Variants in GPRC5B observed in about 807,000 individuals in gnomAD.
GPRC5B encodes G protein-coupled receptor class C group 5 member B.
Under a neutral mutation model 30.1 loss-of-function variants are expected in GPRC5B, and 16 were observed. That is an observed-to-expected ratio of 0.53 (90% CI 0.36 to 0.81). The LOEUF is 0.81. Ranked by LOEUF, GPRC5B falls within the 30% of genes least tolerant of loss-of-function variation. GPRC5B has a pLI of 0.01. For synonymous variants in GPRC5B, 241 were observed against 239.5 expected, an observed-to-expected ratio of 1.01 and a Z score of -0.06; for missense variants, 428 against 544.7, an observed-to-expected ratio of 0.79 and a Z score of 2.13.
chr16:19,872,895 A>C lies in GPRC5B; in HGVS notation c.-1-49T>G, dbSNP rs1189438178. The C allele has an allele frequency of 1.5e-6, 2 of 1,345,708 alleles. No homozygotes were observed. Among genetic ancestry groups the C allele is most frequent in the Admixed American group, 3.6e-5 (2 of 56,016 alleles). 83.4% of individuals were successfully genotyped at this position (1,345,708 alleles called of 1,614,324 possible). A position where few individuals can be genotyped will look rare whatever the true frequency, so the allele number is the denominator to read the frequency against. On this transcript the variant is annotated intron_variant, in intron 1 of 3. Coordinates refer to ENST00000300571, the MANE Select transcript of GPRC5B (RefSeq NM_016235.3). This position sits in a 1 kb window ranked among gnomAD's most constrained non-coding sequence, Gnocchi z 5.0. ...GTTGGGGGGAAGGAAAGATGAATTC[A>C]TTGGAAGACTCCCCCTCTCCTGACT...
Position 19,860,362 on chromosome 16 carries a change from C to T in GPRC5B, c.*138G>A. On this transcript the variant is annotated 3_prime_UTR_variant, in exon 4 of 4. Coordinates refer to ENST00000300571, the MANE Select transcript of GPRC5B (RefSeq NM_016235.3). The stretch of plus-strand genomic sequence containing the variant: ...CAGTGTTCACATTTACACGAAATCC[C>T]CTTGGCTAGGATTTCCAAATTTCCT... 1 of 630,562 alleles carries T rather than the reference C, an allele frequency of 1.6e-6. No homozygotes were observed. 39.1% of individuals were successfully genotyped at this position (630,562 alleles called of 1,614,324 possible). A position where few individuals can be genotyped will look rare whatever the true frequency, so the allele number is the denominator to read the frequency against.
intron 1 of GPRC5B, among the ~76,000 whole-genome samples, chr16:19,874,521 T>C (rs925095969): frequency 2.7e-4 from 41 of 152,334 alleles, no homozygotes; most frequent in African/African-American, 9.6e-4. Context: ...TGGTCTCTCT[T>C]GTTCACCGGC....
At chr16:19,868,793 G>T (rs1348336361) in intron 2 of GPRC5B, among the ~76,000 whole-genome samples, 1 of 152,178 alleles carries the variant, frequency 6.6e-6, no homozygotes, top group Admixed American at 6.5e-5. Flanking sequence ...GGGGGAGGGG[G>T]CCCATCCACG....
chr16:19,857,221 ACCGACCCTCAAGG>A lies in GPRC5B; in HGVS notation c.*3266_*3278del. 3.6e-6 allele frequency: 1 copy of A among 277,000 alleles called. No individual in the cohort carries two copies. Among genetic ancestry groups the A allele is most frequent in the South Asian group, 3.4e-5 (1 of 29,092 alleles). 17.2% of individuals were successfully genotyped at this position (277,000 alleles called of 1,614,324 possible). On this transcript the variant is annotated 3_prime_UTR_variant, in exon 4 of 4. Coordinates refer to ENST00000300571, the MANE Select transcript of GPRC5B (RefSeq NM_016235.3). ...GATTCTCCCATTTAAAATGCCACAG[ACCGACCCTCAAGG>A]CAGATCCGAAAGCCTAGTAGTTAGT...
intron 1 of GPRC5B, among the ~76,000 whole-genome samples, chr16:19,878,307 T>G (rs1207215567): frequency 1.3e-5 from 2 of 151,978 alleles, no homozygotes; most frequent in Non-Finnish European, 2.9e-5. Context: ...TTTTCAATTA[T>G]TTGATTTTAC....
chr16:19,860,681 G>A (rs2056613913), intron 3 of GPRC5B, 137 bp from the exon 4 acceptor site: 12 of 595,322 alleles, frequency 2.0e-5, no homozygotes, highest in Non-Finnish European at 3.3e-5. Context: ...TCCCAGGAGA[G>A]GCAGCAATGA....
intron 3 of GPRC5B, 142 bp from the exon 4 acceptor site, chr16:19,860,686 C>A: frequency 1.7e-6 from 1 of 590,998 alleles, no homozygotes; most frequent in Admixed American, 3.0e-5. Flanking sequence ...GGAGAGGCAG[C>A]AATGACTGTG....
At chr16:19,867,547 A>G (rs2056677425) in intron 2 of GPRC5B, among the ~76,000 whole-genome samples, 1 of 152,190 alleles carries the variant, frequency 6.6e-6, no homozygotes, top group South Asian at 2.1e-4. Flanking sequence ...ACTTCAAGAA[A>G]CGGAATCATC....
At chr16:19,874,600 T>G (rs1394726354) in intron 1 of GPRC5B, 1 of 152,296 alleles carries the variant, frequency 6.6e-6, no homozygotes, top group Non-Finnish European at 1.5e-5. Context: ...TGGGGGACTG[T>G]GCGTTGCAGG....
In GPRC5B at chr16:19,858,663, G is replaced by A; in HGVS notation, c.*1837C>T. 1 of 497,068 alleles carries A rather than the reference G, an allele frequency of 2.0e-6. No homozygotes were observed. Among genetic ancestry groups the A allele is most frequent in the African/African-American group, 2.0e-5 (1 of 50,714 alleles). The allele number at this position is 497,068 out of a possible 1,614,324, so 30.8% of individuals were successfully genotyped here. A position where few individuals can be genotyped will look rare whatever the true frequency, so the allele number is the denominator to read the frequency against. ...GCAACCGCCCCCACCCCCACCCCAG[G>A]TCCTAGCTTCATTCCCTCCCACCCC... On this transcript the variant is annotated 3_prime_UTR_variant, in exon 4 of 4. Coordinates refer to ENST00000300571, the MANE Select transcript of GPRC5B (RefSeq NM_016235.3).
At position 19,858,718 on chromosome 16, in the gene GPRC5B, G is replaced by C. The variant is rs1391675670; in HGVS notation, c.*1782C>G. 8.9e-6 allele frequency: 4 copies of C among 448,086 alleles called. No individual in the cohort carries two copies. In the South Asian group the frequency reaches 2.0e-4, roughly 23 times the overall value. The allele number at this position is 448,086 out of a possible 1,614,324, so 27.8% of individuals were successfully genotyped here. A position where few individuals can be genotyped will look rare whatever the true frequency, so the allele number is the denominator to read the frequency against. On this transcript the variant is annotated 3_prime_UTR_variant, in exon 4 of 4. Transcript: ENST00000300571. ...CAGGACTCTTACGTTTTCTGTCCAC[G>C]CAATGACTGGAACGGGATTCTCTAG...
Position 19,858,531 on chromosome 16 carries a change from G to C in GPRC5B, c.*1969C>G, listed in dbSNP as rs1873486281. ...CTCCAAAGGACTCCAGAGAGCGGGG[G>C]TGAGTAACCATTTCCTGGCACGAGA... is the stretch of plus-strand genomic sequence containing the variant. On this transcript the variant is annotated 3_prime_UTR_variant, in exon 4 of 4. Coordinates refer to ENST00000300571, the MANE Select transcript of GPRC5B (RefSeq NM_016235.3). 1.4e-6 allele frequency: 1 copy of C among 693,686 alleles called. No individual in the cohort carries two copies. The highest frequency in any genetic ancestry group is 2.6e-6 in the Non-Finnish European group (1 of 380,758). The allele number at this position is 693,686 out of a possible 1,614,324, so 43.0% of individuals were successfully genotyped here. A position where few individuals can be genotyped will look rare whatever the true frequency, so the allele number is the denominator to read the frequency against.
chr16:19,884,850 C>T, upstream of GPRC5B: 1 of 983,048 alleles, frequency 1.0e-6, no homozygotes, highest in Non-Finnish European at 1.2e-6. Flanking sequence ...CACTGCAGCG[C>T]CTGCCAGAGT....
At chr16:19,885,302 C>T, upstream of GPRC5B, 2 of 1,257,952 alleles carry the variant, frequency 1.6e-6, no homozygotes, top group Non-Finnish European at 2.1e-6. This position sits in a 1 kb window ranked among gnomAD's most constrained non-coding sequence, Gnocchi z 5.3. Context: ...CCCCGAAACA[C>T]ACCAGCACCA....
chr16:19,870,205 A>G (rs956550485), intron 2 of GPRC5B, among the ~76,000 whole-genome samples: 1 of 152,194 alleles, frequency 6.6e-6, no homozygotes, highest in African/African-American at 2.4e-5. Flanking sequence ...TCCCAGCACA[A>G]ATGAGCCCCT....
intron 2 of GPRC5B, among the ~76,000 whole-genome samples, chr16:19,868,571 G>A (rs1037128734): frequency 2.6e-5 from 4 of 152,124 alleles, no homozygotes; most frequent in Admixed American, 1.3e-4. Flanking sequence ...GGTTCCCAGT[G>A]CTGATCTCTG....
At position 19,872,588 on chromosome 16, in the gene GPRC5B, C is replaced by A. The variant is rs779754829; in HGVS notation, c.258G>T (p.Glu86Asp). 6.2e-7 allele frequency: 1 copy of A among 1,614,152 alleles called. No individual in the cohort carries two copies. The highest frequency in any genetic ancestry group is 1.1e-5 in the South Asian group (1 of 91,086). ...GGCCCACAGGGCTCTTCTTCTCCTT[C>A]TCCTTGATGAAGGGCAGCCGCACCA... The part of the protein sequence containing the change: ...ILLVRLPFIK[E>D]KEKKSPVGLH... The change falls in exon 2 of 4, where the codon GAG becomes GAT. Residue 86 changes from glutamate (E) to aspartate (D), a missense_variant. This residue lies in a region of GPRC5B where 196 missense variants were observed against 272.6 expected (regional missense o/e 0.72). Coordinates refer to ENST00000300571, the MANE Select transcript of GPRC5B (RefSeq NM_016235.3). The surrounding 1 kb of genome is among the most constrained non-coding windows in gnomAD (Gnocchi z 5.0).
intron 2 of GPRC5B, among the ~76,000 whole-genome samples, chr16:19,871,379 T>C (rs1184815267): frequency 2.0e-5 from 3 of 151,726 alleles, no homozygotes; most frequent in Non-Finnish European, 4.4e-5. Flanking sequence ...CCCAGCACTT[T>C]GGGAGGCCGA....
intron 1 of GPRC5B, among the ~76,000 whole-genome samples, chr16:19,877,789 G>A (rs373108660): frequency 3.9e-5 from 6 of 152,200 alleles, no homozygotes; most frequent in Non-Finnish European, 5.9e-5. Context: ...CTACAAAGGG[G>A]AGAGGCGAGA....
Sources: gnomAD v4.1 joint callset for allele counts (sites outside exome capture counted in the v4.1 genomes callset) on GRCh38, gnomAD v4.1.1 for gene constraint, gnomAD v4.1.1 regional missense constraint, Gnocchi (gnomAD v3.1) non-coding constraint, MANE v1.5 for transcripts, NCBI Gene and HGNC (gene_info 2026-07-23, HGNC 2026-07-21) for gene names.